Variants in COPS5 observed in about 807,000 individuals in gnomAD.
The protein encoded by COPS5 is COP9 signalosome complex subunit 5.
COPS5 carries 8 observed loss-of-function variants against 44.4 expected under a neutral mutation model. That is an observed-to-expected ratio of 0.18 (90% CI 0.11 to 0.32). COPS5 has a LOEUF of 0.32. Ranked by LOEUF, COPS5 falls within the 10% of genes least tolerant of loss-of-function variation. The pLI is 1.00. For synonymous variants in COPS5, 122 were observed against 142.8 expected, an observed-to-expected ratio of 0.85 and a Z score of 1.04; for missense variants, 159 against 406.4, an observed-to-expected ratio of 0.39 and a Z score of 5.23.
chr8:67,046,623 C>T (rs1446349661), intron 6 of COPS5, among the ~76,000 whole-genome samples: 1 of 151,658 alleles, frequency 6.6e-6, no homozygotes, highest in Non-Finnish European at 1.5e-5. Flanking sequence ...GAGTTCGAGA[C>T]CAGCCTGGCT....
At chr8:67,048,683 T>G (rs1816730872) in intron 6 of COPS5, among the ~76,000 whole-genome samples, 1 of 139,996 alleles carries the variant, frequency 7.1e-6, no homozygotes, top group African/African-American at 2.7e-5. Context: ...ACCACTGCAC[T>G]CCAGCCGGGG....
chr8:67,047,417 T>C (rs1448944450), intron 6 of COPS5, among the ~76,000 whole-genome samples: 1 of 152,200 alleles, frequency 6.6e-6, no homozygotes, highest in Non-Finnish European at 1.5e-5. Flanking sequence ...CCCTAAAGTT[T>C]ATAGAGCTAT....
chr8:67,058,220 T>C lies in COPS5; in HGVS notation c.379-9A>G, dbSNP rs184196944. On this transcript the variant is annotated splice_polypyrimidine_tract_variant and intron_variant, in intron 2 of 7. Coordinates refer to ENST00000357849, the MANE Select transcript of COPS5 (RefSeq NM_006837.3). ...TTTTCAAGGCGGCCAACCTAACAAATGAAGGGGCAAAAAAGTTTAAGATTA... is the reference window on the plus strand; with the variant it reads ...TTTTCAAGGCGGCCAACCTAACAAACGAAGGGGCAAAAAAGTTTAAGATTA... 20 of 1,611,646 alleles carry C rather than the reference T, an allele frequency of 1.2e-5. No individual in the cohort carries two copies. The East Asian group carries it at 4.2e-4, about 34-fold the overall frequency.
At chr8:67,050,434 T>G (rs1021726471) in intron 6 of COPS5, among the ~76,000 whole-genome samples, 1 of 152,238 alleles carries the variant, frequency 6.6e-6, no homozygotes, top group African/African-American at 2.4e-5. Flanking sequence ...AGTAAAGCAC[T>G]TGCCGTGGCG....
intron 6 of COPS5, among the ~76,000 whole-genome samples, chr8:67,046,845 A>AC (rs1219672716): frequency 1.2e-3 from 175 of 150,338 alleles, no homozygotes; most frequent in African/African-American, 4.2e-3. Context: ...AAAAAAAAAA[A>AC]AAACAAACAC....
chr8:67,045,609 C>A (rs1463094514), intron 7 of COPS5: 1 of 573,714 alleles, frequency 1.7e-6, no homozygotes, highest in Non-Finnish European at 3.1e-6. Flanking sequence ...TAAGCCTTTT[C>A]ATGTTCTTAC....
At chr8:67,057,522 G>A (rs1206524266) in intron 3 of COPS5, 77 bp from the exon 4 acceptor site, 1 of 1,015,770 alleles carries the variant, frequency 9.8e-7, no homozygotes, top group Non-Finnish European at 1.5e-6. Flanking sequence ...ACCTAGAAAT[G>A]TATACATACA....
At chr8:67,050,100 C>T (rs149969784) in intron 6 of COPS5, among the ~76,000 whole-genome samples, 5,586 of 151,646 alleles carry the variant, frequency 0.037, 148 homozygotes, top group Non-Finnish European at 0.053. Context: ...CCCCGGGGCT[C>T]ATGCCATTCT....
chr8:67,060,431 G>T (rs930365658), intron 1 of COPS5: 3 of 1,288,066 alleles, frequency 2.3e-6, no homozygotes, highest in Non-Finnish European at 3.0e-6. Flanking sequence ...TCTGCCCACA[G>T]AAAGAATCCA....
In COPS5 at chr8:67,055,542, T is replaced by A. The variant is rs1477113369; in HGVS notation, c.659+977A>T. ...TCTTTAACATTAAAATAATTTAAGA[T>A]ATAATTCATACATCATAAAATTCAC... is the stretch of plus-strand genomic sequence containing the variant. On this transcript the variant is annotated intron_variant, in intron 5 of 7. Coordinates refer to ENST00000357849, the MANE Select transcript of COPS5 (RefSeq NM_006837.3). 2.0e-5 allele frequency among the ~76,000 whole-genome samples: 3 copies of A among 152,056 alleles called. No individual in the cohort carries two copies. In the East Asian group the frequency reaches 5.8e-4, roughly 29 times the overall value.
In COPS5 at chr8:67,058,067, G is replaced by T. The variant is rs1383278655; in HGVS notation, c.507+16C>A. 1.9e-6 allele frequency: 3 copies of T among 1,612,320 alleles called. No homozygotes were observed. In the Admixed American group the frequency reaches 5.0e-5, roughly 27 times the overall value. ...CTTCATAAAGAACTTAATTAAACTG[G>T]TTTTAAAATTCTTACCACCACTGCT... is the stretch of plus-strand genomic sequence containing the variant. On this transcript the variant is annotated intron_variant, in intron 3 of 7. Transcript: ENST00000357849.
chr8:67,050,039 C>G (rs1385966867), intron 6 of COPS5, among the ~76,000 whole-genome samples: 1 of 140,130 alleles, frequency 7.1e-6, no homozygotes, highest in Middle Eastern at 4.1e-3. Flanking sequence ...CTCACTCTTT[C>G]ACCTAGGCTG....
intron 6 of COPS5, among the ~76,000 whole-genome samples, chr8:67,050,614 AGT>A (rs5892073): frequency 0.021 from 2,888 of 140,812 alleles, 81 homozygotes; most frequent in African/African-American, 0.058. Flanking sequence ...TGAGTGTGAG[AGT>A]GTGTGTGTGT....
At chr8:67,046,866 A>G (rs1471188723) in intron 6 of COPS5, among the ~76,000 whole-genome samples, 3 of 150,674 alleles carry the variant, frequency 2.0e-5, no homozygotes, top group Non-Finnish European at 3.0e-5. Context: ...TTTTCTGGTT[A>G]CAAAATTAAT....
At chr8:67,052,074 A>G (rs36056646) in intron 5 of COPS5, among the ~76,000 whole-genome samples, 4 of 152,204 alleles carry the variant, frequency 2.6e-5, no homozygotes, top group African/African-American at 9.7e-5. Flanking sequence ...ACATTGAATA[A>G]CAATAAGTGA....
chr8:67,062,093 A>G lies in COPS5; in HGVS notation c.-97T>C. On this transcript the variant is annotated 5_prime_UTR_variant, in exon 1 of 8. Transcript: ENST00000357849. ...GGGCCTTGACCCTCCGCACCACGGG[A>G]ACAAACTCTTACCTAGACTCTTGGG... 1 of 1,585,864 alleles carries G rather than the reference A, an allele frequency of 6.3e-7. No individual in the cohort carries two copies. The highest frequency in any genetic ancestry group is 8.6e-7 in the Non-Finnish European group (1 of 1,168,714).
At chr8:67,047,721 C>A in intron 6 of COPS5, 1 of 690,754 alleles carries the variant, frequency 1.4e-6, no homozygotes, top group Non-Finnish European at 2.6e-6. Context: ...GTATGCAGTG[C>A]TGGAATACAG....
chr8:67,048,382 T>C (rs1816726372), intron 6 of COPS5, among the ~76,000 whole-genome samples: 1 of 151,534 alleles, frequency 6.6e-6, no homozygotes. Flanking sequence ...CAGAGTTGTA[T>C]TTAAAATAAC....
Position 67,056,508 on chromosome 8 carries a change from A to C in COPS5, c.659+11T>G. On this transcript the variant is annotated intron_variant, in intron 5 of 7. Coordinates refer to ENST00000357849, the MANE Select transcript of COPS5 (RefSeq NM_006837.3). ...CCGTGCCTGGCCCAGATATGTTTTTAAATTACTTACTGTTTGCAGTGTACA... is the reference window on the plus strand; with the variant it reads ...CCGTGCCTGGCCCAGATATGTTTTTCAATTACTTACTGTTTGCAGTGTACA... The C allele has an allele frequency of 9.2e-7, 1 of 1,084,748 alleles. No individual in the cohort carries two copies. Among genetic ancestry groups the C allele is most frequent in the Non-Finnish European group, 1.4e-6 (1 of 732,764 alleles). 67.2% of individuals were successfully genotyped at this position (1,084,748 alleles called of 1,614,324 possible).
Sources: allele counts gnomAD v4.1 joint callset (sites outside exome capture counted in the v4.1 genomes callset), GRCh38; gene constraint gnomAD v4.1.1; transcripts MANE v1.5; gene names NCBI Gene and HGNC (gene_info 2026-07-23, HGNC 2026-07-21).